ESRRG: variants seen among roughly 807,000 people sequenced by gnomAD.
ESRRG encodes estrogen-related receptor gamma.
Under a neutral mutation model 44.0 loss-of-function variants are expected in ESRRG, and 13 were observed. That is an observed-to-expected ratio of 0.30 (90% confidence interval 0.19 to 0.47). The LOEUF (loss-of-function observed/expected upper bound fraction) is 0.47, where lower values mean the gene tolerates loss of function less well. ESRRG is among the 20% of genes least tolerant of loss of function. ESRRG has a pLI of 1.00. For synonymous variants in ESRRG, 215 were observed against 214.6 expected, an observed-to-expected ratio of 1.00 and a Z score of -0.02; for missense variants, 395 against 580.6, an observed-to-expected ratio of 0.68 and a Z score of 3.29.
intron 2 of ESRRG, among the ~76,000 whole-genome samples, chr1:216,815,277 T>C (rs2095098501): frequency 6.6e-6 from 1 of 152,196 alleles, no homozygotes; most frequent in African/African-American, 2.4e-5. Context: ...AAGGATTACC[T>C]TGTACAATGT....
At chr1:217,037,675 C>T (rs1452699313) in intron 1 of ESRRG, among the ~76,000 whole-genome samples, 1 of 152,116 alleles carries the variant, frequency 6.6e-6, no homozygotes, top group Non-Finnish European at 1.5e-5. Flanking sequence ...AATGGTCCCC[C>T]AAAGTCTCAA....
rs1446893199 is a variant in ESRRG at position 216,589,320 on chromosome 1, C to T, written c.590-21222G>A. ...TGGCTGAGGACAGCTTTGAATGTGG[C>T]CCAACACAAATTCATAAAATTTCTT... On this transcript the variant is annotated intron_variant, in intron 3 of 6. Transcript: ENST00000408911. Among the ~76,000 whole-genome samples the T allele has an allele frequency of 3.9e-5, 6 of 152,090 alleles. No individual in the cohort carries two copies. The East Asian group carries it at 1.2e-3, about 29-fold the overall frequency.
intron 2 of ESRRG, among the ~76,000 whole-genome samples, chr1:216,912,267 G>A (rs143886583): frequency 0.03 from 1,079 of 36,358 alleles, 202 homozygotes; most frequent in Middle Eastern, 0.079. Flanking sequence ...AGAGGAGAGG[G>A]GAGGGGAGGA....
At chr1:216,556,658 T>C (rs2057648968) in intron 5 of ESRRG, among the ~76,000 whole-genome samples, 1 of 152,186 alleles carries the variant, frequency 6.6e-6, no homozygotes, top group South Asian at 2.1e-4. Context: ...CTTGCAGATC[T>C]TTCCAGCCTC....
intron 5 of ESRRG, among the ~76,000 whole-genome samples, chr1:216,520,996 T>C (rs2045936939): frequency 6.6e-6 from 1 of 152,160 alleles, no homozygotes; most frequent in Non-Finnish European, 1.5e-5. Flanking sequence ...TTTGGTACCA[T>C]TAATTATAAG....
At chr1:216,587,373 G>C (rs2056851203) in intron 3 of ESRRG, among the ~76,000 whole-genome samples, 2 of 152,148 alleles carry the variant, frequency 1.3e-5, no homozygotes, top group Non-Finnish European at 2.9e-5. Flanking sequence ...TGGACCTTTG[G>C]GGAAAGAGTT....
intron 3 of ESRRG, among the ~76,000 whole-genome samples, chr1:216,580,821 C>T (rs2062627345): frequency 6.6e-6 from 1 of 152,126 alleles, no homozygotes; most frequent in Non-Finnish European, 1.5e-5. Flanking sequence ...AGACTGGAGC[C>T]AAATGGATAG....
intron 5 of ESRRG, among the ~76,000 whole-genome samples, chr1:216,540,737 A>T (rs943208274): frequency 2.6e-5 from 4 of 152,032 alleles, no homozygotes; most frequent in Admixed American, 2.6e-4. Context: ...AGAAATAAAG[A>T]CTAATTCAAA....
chr1:217,121,354 G>A (rs2092817249), intron 1 of ESRRG, among the ~76,000 whole-genome samples: 2 of 152,118 alleles, frequency 1.3e-5, no homozygotes, highest in African/African-American at 2.4e-5. Flanking sequence ...CTTTTGCCAT[G>A]GGAAATCACT....
At chr1:216,619,228 CAT>C (rs1264277058) in intron 3 of ESRRG, among the ~76,000 whole-genome samples, 4 of 152,104 alleles carry the variant, frequency 2.6e-5, no homozygotes, top group Admixed American at 2.6e-4. Context: ...TGCATGCTCA[CAT>C]GTGTGGAAGA....
At chr1:216,651,850 G>A in intron 2 of ESRRG, among the ~76,000 whole-genome samples, 1 of 152,116 alleles carries the variant, frequency 6.6e-6, no homozygotes, top group Non-Finnish European at 1.5e-5. Context: ...ATTTATGGTA[G>A]TACCTACATA....
chr1:216,589,903 C>CAAAAAA (rs58458686), intron 3 of ESRRG, among the ~76,000 whole-genome samples: 20,222 of 32,128 alleles, frequency 0.63, 7,817 homozygotes, highest in Non-Finnish European at 0.74. Flanking sequence ...AACTCTGTCT[C>CAAAAAA]AAAAAAAAAA....
At chr1:216,815,406 C>G (rs1320566238) in intron 2 of ESRRG, among the ~76,000 whole-genome samples, 1 of 152,212 alleles carries the variant, frequency 6.6e-6, no homozygotes, top group Non-Finnish European at 1.5e-5. Context: ...AGGCTGAGCT[C>G]TAACCCACAG....
chr1:216,541,578 G>GTT (rs1452086333), intron 5 of ESRRG, among the ~76,000 whole-genome samples: 2 of 120,570 alleles, frequency 1.7e-5, no homozygotes, highest in Admixed American at 9.7e-5. Context: ...GTGTGTGTGT[G>GTT]TGTGTGTGTG....
chr1:216,766,480 G>A lies in ESRRG; in HGVS notation c.-13-88989C>T, dbSNP rs181615371. 7.9e-5 allele frequency among the ~76,000 whole-genome samples: 12 copies of A among 151,732 alleles called. No individual in the cohort carries two copies. The East Asian group carries it at 2.1e-3, about 27-fold the overall frequency. Reference sequence around the variant, plus strand: ...CCAGTCCAAATTTGGGGATTACTAAGATAAAAAAAGAAATAAGAAAACTGT... The same window carrying A: ...CCAGTCCAAATTTGGGGATTACTAAAATAAAAAAAGAAATAAGAAAACTGT... On this transcript the variant is annotated intron_variant, in intron 2 of 7. Coordinates refer to the ESRRG transcript ENST00000359162.
rs1491280197 is a variant in ESRRG at position 216,809,325 on chromosome 1, T to TTA, written c.-14+130256_-14+130257insTA. On this transcript the variant is annotated intron_variant, in intron 2 of 7. Coordinates refer to the ESRRG transcript ENST00000359162. ...CAAGGGTCTGACTGCTTTTTTACAG[T>TTA]AAAAAAAAAAAAAAAAAAAAAACCC... Among the ~76,000 whole-genome samples, 289 of 119,120 alleles carry TTA rather than the reference T, an allele frequency of 2.4e-3. 4 individuals are homozygous for TTA. Among genetic ancestry groups the TTA allele is most frequent in the African/African-American group, 9.0e-3 (282 of 31,344 alleles). 78.1% of individuals were successfully genotyped at this position (119,120 alleles called of 152,430 possible).
intron 1 of ESRRG, among the ~76,000 whole-genome samples, chr1:216,973,262 C>A (rs1168728840): frequency 6.6e-6 from 1 of 152,140 alleles, no homozygotes; most frequent in African/African-American, 2.4e-5. Flanking sequence ...CCTAATGAGC[C>A]TACACACCCT....
chr1:216,546,339 C>T lies in ESRRG; in HGVS notation c.862+17880G>A, dbSNP rs146169079. 1.4e-3 allele frequency among the ~76,000 whole-genome samples: 215 copies of T among 152,108 alleles called. 1 individual carries two copies. Among genetic ancestry groups the T allele is most frequent in the African/African-American group, 4.9e-3 (204 of 41,530 alleles). On this transcript the variant is annotated intron_variant, in intron 5 of 6. Transcript: ENST00000408911. ...GAATAACGGTATCAAAAAAGCTTGT[C>T]TGGGTCTGTGCAGCATTTTTGGAAA...
chr1:216,632,344 A>G (rs754119484), intron 3 of ESRRG, among the ~76,000 whole-genome samples: 1 of 152,162 alleles, frequency 6.6e-6, no homozygotes, highest in Non-Finnish European at 1.5e-5. Context: ...ACTTTTTGCT[A>G]TTCATAAGCA....
Sources: allele counts gnomAD v4.1 joint callset (sites outside exome capture counted in the v4.1 genomes callset), GRCh38; gene constraint gnomAD v4.1.1; transcripts MANE v1.5; gene names NCBI Gene and HGNC (gene_info 2026-07-23, HGNC 2026-07-21).